The following GALNT13 variants were observed in gnomAD, a reference collection of about 807,000 sequenced individuals.
GALNT13 encodes UDP-GalNAc:polypeptide N-acetylgalactosaminyltransferase 13.
GALNT13 carries 28 observed loss-of-function variants against 64.2 expected under a neutral mutation model. That is an observed-to-expected ratio of 0.44 (90% CI 0.32 to 0.60). The LOEUF (loss-of-function observed/expected upper bound fraction) is 0.60. GALNT13 is among the 20% of genes least tolerant of loss of function. GALNT13 has a pLI of 0.05. For missense variants in GALNT13, 577 were observed against 669.8 expected, an observed-to-expected ratio of 0.86 and a Z score of 1.53; for synonymous variants, 214 against 224.6, an observed-to-expected ratio of 0.95 and a Z score of 0.42.
intron 4 of GALNT13, among the ~76,000 whole-genome samples, chr2:154,204,419 A>G (rs765481120): frequency 6.6e-6 from 1 of 152,196 alleles, no homozygotes; most frequent in Non-Finnish European, 1.5e-5. Context: ...TAAATAAAAT[A>G]ATACATTTCA....
At chr2:153,883,967 T>C (rs1686960651) in intron 1 of GALNT13, among the ~76,000 whole-genome samples, 1 of 152,036 alleles carries the variant, frequency 6.6e-6, no homozygotes, top group African/African-American at 2.4e-5. Context: ...TTATCAAGAC[T>C]GACAATGTCA....
rs775996204 is a variant in GALNT13 at position 154,450,598 on chromosome 2, C to G, written c.*47C>G. 4 of 1,477,262 alleles carry G rather than the reference C, an allele frequency of 2.7e-6. No homozygotes were observed. Among genetic ancestry groups the G allele is most frequent in the Admixed American group, 5.0e-5 (2 of 39,782 alleles). 91.5% of individuals were successfully genotyped at this position (1,477,262 alleles called of 1,614,324 possible). ...GAAAGTGTCTACGCTTTTGTTTTTC[C>G]ATTATTTCAATTGGGGGAAAATATT... is the stretch of plus-strand genomic sequence containing the variant. On this transcript the variant is annotated 3_prime_UTR_variant, in exon 13 of 13. Transcript: ENST00000392825.
chr2:154,085,390 G>T (rs150962633), intron 3 of GALNT13, among the ~76,000 whole-genome samples: 1 of 151,944 alleles, frequency 6.6e-6, no homozygotes, highest in South Asian at 2.1e-4. Context: ...GTTTTCAGGT[G>T]CAGCTTACCT....
chr2:153,271,007 T>A, the GALNT13 span, among the ~76,000 whole-genome samples: 20 of 152,082 alleles, frequency 1.3e-4, no homozygotes, highest in Non-Finnish European at 2.2e-4. Context: ...ACAGAACCAA[T>A]GAAAAAAACC....
At position 154,307,564 on chromosome 2, in the gene GALNT13, G is replaced by A. The variant is rs185869972; in HGVS notation, c.1156+5975G>A. Among the ~76,000 whole-genome samples, 742 of 151,960 alleles carry A rather than the reference G, an allele frequency of 4.9e-3. 4 individuals are homozygous for A. The highest frequency in any genetic ancestry group is 7.6e-3 in the Non-Finnish European group (518 of 67,946). On this transcript the variant is annotated intron_variant, in intron 9 of 12. Coordinates refer to ENST00000392825, the MANE Select transcript of GALNT13 (RefSeq NM_052917.4). ...CTATTTATGTCTTCTAAATAGATGT[G>A]TAAATAAAAAATAGACATACTTTGA...
At chr2:153,784,349 T>A in the GALNT13 span, among the ~76,000 whole-genome samples, 3 of 152,216 alleles carry the variant, frequency 2.0e-5, no homozygotes, top group Non-Finnish European at 4.4e-5. Flanking sequence ...CCTAGAGATC[T>A]GTGGAACTTT....
intron 7 of GALNT13, among the ~76,000 whole-genome samples, chr2:154,248,579 ATACATAGTGTTTTACAT>A (rs771819940): frequency 0.022 from 3,322 of 152,252 alleles, 92 homozygotes; most frequent in African/African-American, 0.068. Context: ...TTTATTTGGC[ATACATAGTGTTTTACAT>A]TTTCAAAAAT....
chr2:154,082,991 C>T (rs1574469575), intron 3 of GALNT13, among the ~76,000 whole-genome samples: 1 of 152,084 alleles, frequency 6.6e-6, no homozygotes, highest in East Asian at 1.9e-4. Flanking sequence ...TTGCACATGC[C>T]TTTGTCCGGA....
the GALNT13 span, among the ~76,000 whole-genome samples, chr2:153,530,229 G>A: frequency 1.3e-5 from 2 of 151,644 alleles, no homozygotes; most frequent in African/African-American, 4.8e-5. Flanking sequence ...ATTTTTATAT[G>A]CCAACTGTGA....
intron 9 of GALNT13, among the ~76,000 whole-genome samples, chr2:154,309,612 C>T (rs545874991): frequency 1.3e-5 from 2 of 152,250 alleles, no homozygotes; most frequent in South Asian, 4.1e-4. Flanking sequence ...CTTGTGAGAG[C>T]AAGAACTCAC....
the GALNT13 span, among the ~76,000 whole-genome samples, chr2:153,424,067 C>T: frequency 6.7e-6 from 1 of 149,942 alleles, no homozygotes; most frequent in Non-Finnish European, 1.5e-5. Flanking sequence ...ATTTACTGAA[C>T]AGATCGAGCC....
At chr2:153,711,338 C>G in the GALNT13 span, among the ~76,000 whole-genome samples, 1 of 152,034 alleles carries the variant, frequency 6.6e-6, no homozygotes, top group South Asian at 2.1e-4. Flanking sequence ...TCATAAGTAA[C>G]TTGAAATAGC....
At position 154,376,920 on chromosome 2, in the gene GALNT13, C is replaced by G. The variant is rs931630071; in HGVS notation, c.1157-19071C>G. Among the ~76,000 whole-genome samples, 6 of 151,842 alleles carry G rather than the reference C, an allele frequency of 4.0e-5. No homozygotes were observed. The East Asian group carries it at 1.2e-3, about 29-fold the overall frequency. On this transcript the variant is annotated intron_variant, in intron 9 of 12. Transcript: ENST00000392825. Reference sequence around the variant, plus strand: ...TTTATAAATTAATAAATATATAATCCCTCACACCTAGAAAAGACTAAGTCT... The same window carrying G: ...TTTATAAATTAATAAATATATAATCGCTCACACCTAGAAAAGACTAAGTCT...
the GALNT13 span, among the ~76,000 whole-genome samples, chr2:153,577,593 T>G: frequency 6.6e-6 from 1 of 151,994 alleles, no homozygotes; most frequent in Non-Finnish European, 1.5e-5. Context: ...AGATGCCCCC[T>G]CTCTTAATTT....
In GALNT13 at chr2:154,451,763, C is replaced by T. The variant is rs1701879601; in HGVS notation, c.*1212C>T. Reference sequence around the variant, plus strand: ...AGAGGCCATGAAAGTGAAAAAAAATCAGATTTTTGCTAGTAAGTTTTTATA... The same window carrying T: ...AGAGGCCATGAAAGTGAAAAAAAATTAGATTTTTGCTAGTAAGTTTTTATA... On this transcript the variant is annotated 3_prime_UTR_variant, in exon 13 of 13. Transcript: ENST00000392825. 1 of 151,962 alleles carries T rather than the reference C, an allele frequency of 6.6e-6. No individual in the cohort carries two copies. Among genetic ancestry groups the T allele is most frequent in the Admixed American group, 6.6e-5 (1 of 15,198 alleles). 9.4% of individuals were successfully genotyped at this position (151,962 alleles called of 1,614,324 possible). A position where few individuals can be genotyped will look rare whatever the true frequency, so the allele number is the denominator to read the frequency against.
intron 4 of GALNT13, among the ~76,000 whole-genome samples, chr2:154,199,975 C>T (rs947252330): frequency 6.6e-6 from 1 of 151,902 alleles, no homozygotes; most frequent in Non-Finnish European, 1.5e-5. Context: ...GAGATATGCA[C>T]AGTTGCATGT....
chr2:154,355,272 G>T (rs1377353641), intron 9 of GALNT13, among the ~76,000 whole-genome samples: 1 of 152,078 alleles, frequency 6.6e-6, no homozygotes, highest in South Asian at 2.1e-4. Context: ...ACTGTAAAAG[G>T]TCACATGAGA....
At chr2:153,162,689 C>A in the GALNT13 span, among the ~76,000 whole-genome samples, 1 of 152,134 alleles carries the variant, frequency 6.6e-6, no homozygotes, top group Non-Finnish European at 1.5e-5. Context: ...ATTTATATGA[C>A]GATGCCATTG....
chr2:154,154,859 AG>A (rs992076991), intron 4 of GALNT13, among the ~76,000 whole-genome samples: 1 of 151,914 alleles, frequency 6.6e-6, no homozygotes, highest in Non-Finnish European at 1.5e-5. Context: ...ACTAGATATA[AG>A]GGAAGTCAAA....
Sources: gnomAD v4.1 joint callset for allele counts (sites outside exome capture counted in the v4.1 genomes callset) on GRCh38, gnomAD v4.1.1 for gene constraint, MANE v1.5 for transcripts, NCBI Gene and HGNC (gene_info 2026-07-23, HGNC 2026-07-21) for gene names.